ARHGAP24: variants seen among roughly 807,000 people sequenced by gnomAD.
ARHGAP24 encodes Rho GTPase activating protein 24, also known as rho GTPase-activating protein 24.
A neutral mutation model predicts 76.4 loss-of-function variants in ARHGAP24; 50 were observed. That is an observed-to-expected ratio of 0.65 (90% CI 0.52 to 0.83). ARHGAP24 has a LOEUF of 0.83. ARHGAP24 is among the 40% of genes least tolerant of loss of function. The pLI is 0.00. For missense variants in ARHGAP24, 930 were observed against 914.2 expected (o/e 1.02, Z -0.22); for synonymous variants, 345 against 323.3 (o/e 1.07, Z -0.72).
chr4:85,643,448 C>T lies in ARHGAP24; in HGVS notation c.180+72727C>T, dbSNP rs1721605333. On this transcript the variant is annotated intron_variant, in intron 2 of 9. Transcript: ENST00000395184. The stretch of plus-strand genomic sequence containing the variant: ...TAATTTTTTGTATTTTTAGTAGAGA[C>T]GGGGTTTCACCTTGTTAGCCAGGAT... Among the ~76,000 whole-genome samples, 5 of 100,204 alleles carry T rather than the reference C, an allele frequency of 5.0e-5. 2 individuals carry two copies. Among genetic ancestry groups the T allele is most frequent in the Admixed American group, 1.3e-4 (1 of 7,982 alleles). 65.7% of individuals were successfully genotyped at this position (100,204 alleles called of 152,430 possible).
At position 85,682,529 on chromosome 4, in the gene ARHGAP24, G is replaced by A. The variant is rs1183794749; in HGVS notation, c.181-39356G>A. On this transcript the variant is annotated intron_variant, in intron 2 of 9. Coordinates refer to ENST00000395184, the MANE Select transcript of ARHGAP24 (RefSeq NM_001025616.3). ...CATATGGCCACATGCAGACCAAACAGCATTGTTTTGGGAGCCAGCAAGAAG... is the reference window on the plus strand; with the variant it reads ...CATATGGCCACATGCAGACCAAACAACATTGTTTTGGGAGCCAGCAAGAAG... 3.3e-5 allele frequency among the ~76,000 whole-genome samples: 5 copies of A among 152,168 alleles called. No individual in the cohort carries two copies. In the East Asian group the frequency reaches 7.7e-4, roughly 23 times the overall value.
intron 3 of ARHGAP24, among the ~76,000 whole-genome samples, chr4:85,858,263 A>T (rs578060268): frequency 2.8e-4 from 42 of 152,292 alleles, no homozygotes; most frequent in African/African-American, 9.1e-4. Context: ...CAGGGAACAT[A>T]AGCTGATGCT....
At chr4:85,866,043 G>A (rs1002551118) in intron 3 of ARHGAP24, among the ~76,000 whole-genome samples, 9 of 152,058 alleles carry the variant, frequency 5.9e-5, no homozygotes, top group African/African-American at 2.2e-4. Flanking sequence ...CTCACTCATT[G>A]AATGAGATTG....
chr4:85,689,907 A>G (rs1723565904), intron 2 of ARHGAP24, among the ~76,000 whole-genome samples: 1 of 151,646 alleles, frequency 6.6e-6, no homozygotes, highest in South Asian at 2.1e-4. Flanking sequence ...TGTGTTGAAT[A>G]GGAATGGTGA....
intron 1 of ARHGAP24, among the ~76,000 whole-genome samples, chr4:85,485,161 C>T (rs1473021916): frequency 4.7e-5 from 7 of 149,836 alleles, no homozygotes; most frequent in Non-Finnish European, 7.4e-5. Flanking sequence ...CTGGCTAACA[C>T]GGTGAAACCC....
chr4:85,799,202 CA>C (rs1346651599), intron 3 of ARHGAP24, among the ~76,000 whole-genome samples: 1 of 152,052 alleles, frequency 6.6e-6, no homozygotes, highest in Non-Finnish European at 1.5e-5. Context: ...GGTTTCTAAA[CA>C]TCATCTTTCA....
chr4:85,682,375 T>C (rs759757874), intron 2 of ARHGAP24, among the ~76,000 whole-genome samples: 6 of 152,172 alleles, frequency 3.9e-5, no homozygotes, highest in Non-Finnish European at 8.8e-5. Flanking sequence ...GAATAGCCAG[T>C]GGTTTGTGTT....
chr4:85,825,709 G>C (rs893089308), intron 3 of ARHGAP24, among the ~76,000 whole-genome samples: 1 of 152,048 alleles, frequency 6.6e-6, no homozygotes, highest in Non-Finnish European at 1.5e-5. Context: ...TGAATTCATT[G>C]TTAAAAAAAA....
intron 2 of ARHGAP24, among the ~76,000 whole-genome samples, chr4:85,709,213 T>C (rs2110033033): frequency 6.6e-6 from 1 of 152,246 alleles, no homozygotes; most frequent in African/African-American, 2.4e-5. Flanking sequence ...TGATCTCACC[T>C]AGATGCAAAG....
chr4:85,674,417 T>C lies in ARHGAP24; in HGVS notation c.181-47468T>C, dbSNP rs1035022450. Reference sequence around the variant, plus strand: ...TTTTAGGGAGATTATATGAATTGTTTTATTATTTACCCCAGAATAATACAA... The same window carrying C: ...TTTTAGGGAGATTATATGAATTGTTCTATTATTTACCCCAGAATAATACAA... On this transcript the variant is annotated intron_variant, in intron 2 of 9. Coordinates refer to ENST00000395184, the MANE Select transcript of ARHGAP24 (RefSeq NM_001025616.3). Among the ~76,000 whole-genome samples the C allele has an allele frequency of 1.1e-4, 16 of 152,358 alleles. No homozygotes were observed. In the East Asian group the frequency reaches 2.9e-3, roughly 28 times the overall value.
chr4:85,623,023 A>G (rs975501086), intron 2 of ARHGAP24, among the ~76,000 whole-genome samples: 3 of 152,112 alleles, frequency 2.0e-5, no homozygotes, highest in African/African-American at 4.8e-5. Context: ...GTGGGTTGCA[A>G]AGATTTTCTC....
intron 3 of ARHGAP24, among the ~76,000 whole-genome samples, chr4:85,853,733 T>G (rs1399875075): frequency 6.6e-6 from 1 of 152,068 alleles, no homozygotes; most frequent in Non-Finnish European, 1.5e-5. Flanking sequence ...AAGACCATCC[T>G]GGCCAAGCTC....
intron 1 of ARHGAP24, among the ~76,000 whole-genome samples, chr4:85,484,252 C>T (rs1722933310): frequency 1.3e-5 from 2 of 152,100 alleles, no homozygotes; most frequent in African/African-American, 4.8e-5. Context: ...GAGCCCGGGA[C>T]TCTAAAGTAT....
At chr4:85,545,607 C>T (rs1017388901) in intron 1 of ARHGAP24, among the ~76,000 whole-genome samples, 1 of 152,168 alleles carries the variant, frequency 6.6e-6, no homozygotes, top group Non-Finnish European at 1.5e-5. Context: ...TGCTTCCAAG[C>T]TGCTGAAGGG....
At chr4:85,838,271 G>A (rs1335331957) in intron 3 of ARHGAP24, among the ~76,000 whole-genome samples, 3 of 152,196 alleles carry the variant, frequency 2.0e-5, no homozygotes, top group East Asian at 3.9e-4. Context: ...TGCCTCTCAA[G>A]AGAGACATGT....
At chr4:85,983,938 T>G (rs1319340091) in intron 8 of ARHGAP24, among the ~76,000 whole-genome samples, 1 of 152,258 alleles carries the variant, frequency 6.6e-6, no homozygotes, top group East Asian at 1.9e-4. Context: ...AAAATATGTC[T>G]TAATTTATCA....
rs555573291 is a variant in ARHGAP24 at position 85,854,503 on chromosome 4, C to G, written c.269-69145C>G. Among the ~76,000 whole-genome samples the G allele has an allele frequency of 3.3e-5, 5 of 152,200 alleles. No homozygotes were observed. The South Asian group carries it at 1.0e-3, about 32-fold the overall frequency. ...TAAACTACTTGACATTTCCTACCTA[C>G]TTTATTTGTAAATTGAAAGTGATAT... is the stretch of plus-strand genomic sequence containing the variant. On this transcript the variant is annotated intron_variant, in intron 3 of 9. Transcript: ENST00000395184.
chr4:85,906,712 G>T (rs1489716158), intron 3 of ARHGAP24, among the ~76,000 whole-genome samples: 1 of 152,076 alleles, frequency 6.6e-6, no homozygotes, highest in African/African-American at 2.4e-5. Flanking sequence ...TAGCTTTTAA[G>T]ATTTTTTTAA....
intron 1 of ARHGAP24, among the ~76,000 whole-genome samples, chr4:85,540,348 A>T (rs772869357): frequency 3.2e-4 from 49 of 152,200 alleles, no homozygotes; most frequent in Non-Finnish European, 6.2e-4. Context: ...ATCGCCAATA[A>T]TTCAATGTGA....
Sources: gnomAD v4.1 joint callset for allele counts (sites outside exome capture counted in the v4.1 genomes callset) on GRCh38, gnomAD v4.1.1 for gene constraint, MANE v1.5 for transcripts, NCBI Gene and HGNC (gene_info 2026-07-23, HGNC 2026-07-21) for gene names.